PGM5: variants seen among roughly 807,000 people sequenced by gnomAD.
The protein encoded by PGM5 is phosphoglucomutase-like protein 5.
A neutral mutation model predicts 59.2 loss-of-function variants in PGM5; 23 were observed. That is an observed-to-expected ratio of 0.39 (90% CI 0.28 to 0.55). The LOEUF (loss-of-function observed/expected upper bound fraction) is 0.55. Ranked by LOEUF, PGM5 falls within the 20% of genes least tolerant of loss-of-function variation. The pLI, the probability that PGM5 is intolerant of heterozygous loss-of-function variation, is 0.66. For missense variants in PGM5, 574 were observed against 748.3 expected (o/e 0.77, Z 2.72); for synonymous variants, 214 against 286.0 (o/e 0.75, Z 2.54).
chr9:68,399,382 T>C (rs1822606155), intron 6 of PGM5: 2 of 152,144 alleles, frequency 1.3e-5, no homozygotes, highest in Admixed American at 1.3e-4. Context: ...TACTGTCAGA[T>C]TGCACTCCAG....
chr9:68,478,109 C>T (rs1363908046), intron 7 of PGM5, among the ~76,000 whole-genome samples: 1 of 152,206 alleles, frequency 6.6e-6, no homozygotes, highest in African/African-American at 2.4e-5. Flanking sequence ...TACTACAACA[C>T]ATTTCTTTAC....
At chr9:68,410,388 C>A (rs1284852641) in intron 6 of PGM5, among the ~76,000 whole-genome samples, 4 of 152,118 alleles carry the variant, frequency 2.6e-5, no homozygotes, top group Non-Finnish European at 5.9e-5. Flanking sequence ...GCTGTCTGTA[C>A]TGTGGGTTTA....
At chr9:68,492,697 C>T (rs1554687939) in intron 9 of PGM5, among the ~76,000 whole-genome samples, 5 of 152,180 alleles carry the variant, frequency 3.3e-5, no homozygotes, top group Admixed American at 3.3e-4. Flanking sequence ...ACAAAAGCAC[C>T]ATATGGAGTA....
intron 6 of PGM5, among the ~76,000 whole-genome samples, chr9:68,404,780 A>G (rs1477286589): frequency 6.6e-6 from 1 of 152,194 alleles, no homozygotes; most frequent in African/African-American, 2.4e-5. Flanking sequence ...TAAGAATGCA[A>G]GATCCACCAG....
At chr9:68,444,945 C>G (rs1554683922) in intron 6 of PGM5, among the ~76,000 whole-genome samples, 2 of 152,186 alleles carry the variant, frequency 1.3e-5, no homozygotes, top group African/African-American at 4.8e-5. Context: ...CTTCAGCTGG[C>G]ATTACGACCC....
Position 68,414,335 on chromosome 9 carries a change from G to T in PGM5, c.1043+21862G>T, listed in dbSNP as rs201833750. On this transcript the variant is annotated intron_variant, in intron 6 of 10. Coordinates refer to ENST00000396396, the MANE Select transcript of PGM5 (RefSeq NM_021965.4). ...ACACCCTATCACTGGAGTCCACTCA[G>T]ACTACCAGGTGAGATAAATCCAGGA... Among the ~76,000 whole-genome samples, 195 of 152,314 alleles carry T rather than the reference G, an allele frequency of 1.3e-3. 3 individuals are homozygous for T. The East Asian group carries it at 0.037, about 29-fold the overall frequency.
At chr9:68,496,351 C>T (rs1554688148) in intron 9 of PGM5, among the ~76,000 whole-genome samples, 1 of 152,214 alleles carries the variant, frequency 6.6e-6, no homozygotes, top group Non-Finnish European at 1.5e-5. Flanking sequence ...AAGGGGGCCT[C>T]AGCAGACATG....
At chr9:68,438,091 C>T (rs1234968520) in intron 6 of PGM5, among the ~76,000 whole-genome samples, 2 of 151,834 alleles carry the variant, frequency 1.3e-5, no homozygotes, top group Non-Finnish European at 2.9e-5. Context: ...AGTTCAGAAC[C>T]AACTTGGGCA....
At chr9:68,387,717 T>C (rs1418643294) in intron 4 of PGM5, 129 bp downstream of exon 4, 2 of 882,266 alleles carry the variant, frequency 2.3e-6, no homozygotes, top group East Asian at 2.7e-5. Flanking sequence ...TTCAGATATT[T>C]GGAATGCTCT....
Position 68,465,166 on chromosome 9 carries a change from T to G in PGM5, c.1117T>G (p.Ser373Ala), listed in dbSNP as rs1554685702. 2 of 1,613,480 alleles carry G rather than the reference T, an allele frequency of 1.2e-6. No homozygotes were observed. Among genetic ancestry groups the G allele is most frequent in the South Asian group, 2.2e-5 (2 of 91,070 alleles). Residue 373 changes from serine to alanine, a missense_variant, in exon 7 of 11, where the codon TCA (serine) becomes GCA (alanine). Ser to Ala is a moderately conservative substitution (Grantham distance 99). Around this residue, in one of 7 missense-constraint regions of PGM5, gnomAD observed 300 missense variants for 280.0 expected, o/e 1.07. Coordinates refer to ENST00000396396, the MANE Select transcript of PGM5 (RefSeq NM_021965.4). ...GWRFFSNLMDSGRCNLCGEES... is the reference protein window; with the variant it reads ...GWRFFSNLMDAGRCNLCGEES... ...GAGATTCTTCTCAAATCTGATGGAC[T>G]CAGGACGTTGCAATCTGTGTGGGGA...
At chr9:68,505,380 A>G (rs1451311930) in intron 10 of PGM5, among the ~76,000 whole-genome samples, 1 of 152,194 alleles carries the variant, frequency 6.6e-6, no homozygotes, top group African/African-American at 2.4e-5. Flanking sequence ...TTCTGACATT[A>G]TCTGGATTTA....
At chr9:68,495,588 T>C (rs1303174638) in intron 9 of PGM5, among the ~76,000 whole-genome samples, 1 of 152,236 alleles carries the variant, frequency 6.6e-6, no homozygotes, top group Admixed American at 6.5e-5. Context: ...ACATAGCTTG[T>C]AGCATCCTGC....
chr9:68,504,023 A>G (rs555036052), intron 10 of PGM5, among the ~76,000 whole-genome samples: 1 of 152,362 alleles, frequency 6.6e-6, no homozygotes, highest in South Asian at 2.1e-4. Flanking sequence ...CTGCTGGTCC[A>G]GGAGCCACCC....
intron 6 of PGM5, among the ~76,000 whole-genome samples, chr9:68,451,940 GTGTTC>G (rs1289688771): frequency 6.6e-6 from 1 of 152,258 alleles, no homozygotes; most frequent in Admixed American, 6.5e-5. Context: ...TGGCATTAAA[GTGTTC>G]TGTTCTGAGA....
rs139168013 is a variant in PGM5, at chr9:68,483,450, C to G, written c.1296-415C>G. ...GGAACACACAGCTAGCGCAAGGGCC[C>G]AGAGGCAGGAAAGGGTGCAATGTCA... On this transcript the variant is annotated intron_variant, in intron 8 of 10. Coordinates refer to ENST00000396396, the MANE Select transcript of PGM5 (RefSeq NM_021965.4). Among the ~76,000 whole-genome samples, 71 of 152,142 alleles carry G rather than the reference C, an allele frequency of 4.7e-4. No individual in the cohort carries two copies. In the East Asian group the frequency reaches 0.012, roughly 25 times the overall value.
intron 8 of PGM5, among the ~76,000 whole-genome samples, chr9:68,483,023 A>G (rs782101835): frequency 6.6e-6 from 1 of 152,176 alleles, no homozygotes; most frequent in Non-Finnish European, 1.5e-5. Flanking sequence ...CAAGAGTTCT[A>G]TATTGTGCTC....
At chr9:68,366,775 T>A (rs1259729909) in intron 1 of PGM5, among the ~76,000 whole-genome samples, 2 of 152,104 alleles carry the variant, frequency 1.3e-5, no homozygotes, top group African/African-American at 4.8e-5. Context: ...GTAATAATAC[T>A]TGTCTACATA....
intron 6 of PGM5, among the ~76,000 whole-genome samples, chr9:68,450,873 A>G (rs1335334459): frequency 6.6e-6 from 1 of 152,228 alleles, no homozygotes; most frequent in African/African-American, 2.4e-5. Context: ...ATTGACAGAG[A>G]AAATGTGAGC....
At chr9:68,414,334 A>C (rs1822985173) in intron 6 of PGM5, among the ~76,000 whole-genome samples, 1 of 152,244 alleles carries the variant, frequency 6.6e-6, no homozygotes, top group Non-Finnish European at 1.5e-5. Flanking sequence ...GAGTCCACTC[A>C]GACTACCAGG....
Sources: gnomAD v4.1 joint callset for allele counts (sites outside exome capture counted in the v4.1 genomes callset) on GRCh38, gnomAD v4.1.1 for gene constraint, gnomAD v4.1.1 regional missense constraint, MANE v1.5 for transcripts, NCBI Gene and HGNC (gene_info 2026-07-23, HGNC 2026-07-21) for gene names.